Variants in COMMD1 observed in about 807,000 individuals in gnomAD.
COMMD1 encodes copper metabolism domain containing 1.
A neutral mutation model predicts 17.2 loss-of-function variants in COMMD1; 10 were observed. The ratio of observed to expected loss-of-function variants is 0.58; its 90% CI spans 0.36 to 0.99. The LOEUF is 0.99. Among genes scored for constraint, COMMD1 ranks in the 50% least tolerant of loss-of-function variants. The pLI is 0.01. For missense variants in COMMD1, 270 were observed against 231.8 expected (o/e 1.17, Z -1.07); for synonymous variants, 97 against 91.6 (o/e 1.06, Z -0.34).
At chr2:62,076,635 T>C (rs2103970316) in intron 2 of COMMD1, among the ~76,000 whole-genome samples, 1 of 152,196 alleles carries the variant, frequency 6.6e-6, no homozygotes, top group East Asian at 1.9e-4. Flanking sequence ...TAATCCTAGC[T>C]ACTCAGGAGG....
intron 2 of COMMD1, among the ~76,000 whole-genome samples, chr2:62,080,597 A>G (rs1168729471): frequency 6.6e-6 from 1 of 152,146 alleles, no homozygotes; most frequent in African/African-American, 2.4e-5. Flanking sequence ...TCTCAAGTAA[A>G]TTTTATTTGT....
intron 1 of COMMD1, among the ~76,000 whole-genome samples, chr2:61,899,386 A>AT (rs1669613313): frequency 6.6e-6 from 1 of 152,134 alleles, no homozygotes; most frequent in Non-Finnish European, 1.5e-5. Flanking sequence ...CTTTTCTGCC[A>AT]TTGCCTGTCT....
chr2:62,069,467 G>A (rs1221883482), intron 2 of COMMD1: 6 of 152,158 alleles, frequency 3.9e-5, no homozygotes, highest in Non-Finnish European at 8.8e-5. Context: ...TTAGGGCCAG[G>A]CACTTTATTT....
At chr2:61,950,327 G>T (rs1209318779) in intron 1 of COMMD1, among the ~76,000 whole-genome samples, 2 of 152,194 alleles carry the variant, frequency 1.3e-5, no homozygotes, top group Non-Finnish European at 2.9e-5. Flanking sequence ...TCCAACCTGG[G>T]TTTAGTTGTT....
chr2:61,983,793 G>C (rs1013699989), intron 1 of COMMD1, among the ~76,000 whole-genome samples: 2 of 151,820 alleles, frequency 1.3e-5, no homozygotes, highest in Admixed American at 1.3e-4. Context: ...ACTGCATTTT[G>C]TTGATCTTTG....
chr2:62,032,058 CTAGT>C (rs932559176), intron 2 of COMMD1, among the ~76,000 whole-genome samples: 8 of 152,048 alleles, frequency 5.3e-5, no homozygotes, highest in African/African-American at 1.4e-4. Context: ...TATTATTTCC[CTAGT>C]TAAATTTTTG....
chr2:61,960,547 C>T lies in COMMD1; in HGVS notation c.181-40154C>T, dbSNP rs377535734. ...ATGTCAGAATTTTTAGCTAATTCAT[C>T]TGATAGGGCAGTAAGTCCTTGTAGA... On this transcript the variant is annotated intron_variant, in intron 1 of 2. Coordinates refer to ENST00000311832, the MANE Select transcript of COMMD1 (RefSeq NM_152516.4). Among the ~76,000 whole-genome samples the T allele has an allele frequency of 4.6e-5, 7 of 152,284 alleles. No homozygotes were observed. In the South Asian group the frequency reaches 1.5e-3, roughly 32 times the overall value.
chr2:62,025,939 C>T (rs147254407), intron 2 of COMMD1, among the ~76,000 whole-genome samples: 2 of 152,150 alleles, frequency 1.3e-5, no homozygotes. Context: ...AGTGATCTGC[C>T]TGCCTTGGCC....
chr2:62,101,418 G>A (rs954753862), intron 2 of COMMD1, among the ~76,000 whole-genome samples: 2 of 152,128 alleles, frequency 1.3e-5, no homozygotes, highest in Non-Finnish European at 2.9e-5. Context: ...AGACCAGCCT[G>A]GGCAACATAG....
chr2:61,967,926 C>A (rs1010062119), intron 1 of COMMD1, among the ~76,000 whole-genome samples: 2 of 152,134 alleles, frequency 1.3e-5, no homozygotes, highest in African/African-American at 4.8e-5. Flanking sequence ...TTTGGAAGGC[C>A]AAGGCTGGCA....
intron 2 of COMMD1, among the ~76,000 whole-genome samples, chr2:62,056,170 G>A (rs925620355): frequency 6.6e-6 from 1 of 152,198 alleles, no homozygotes; most frequent in Non-Finnish European, 1.5e-5. Context: ...TCTATGTACT[G>A]TGTCATCCAT....
At chr2:62,121,558 T>A (rs565820446) in intron 2 of COMMD1, among the ~76,000 whole-genome samples, 1 of 151,134 alleles carries the variant, frequency 6.6e-6, no homozygotes, top group African/African-American at 2.4e-5. Context: ...GACAACATGG[T>A]GAAACCCCAT....
chr2:61,904,306 C>G (rs114477326), upstream of COMMD1, among the ~76,000 whole-genome samples: 1 of 152,156 alleles, frequency 6.6e-6, no homozygotes, highest in Non-Finnish European at 1.5e-5. Context: ...CCACCGTGCC[C>G]GGCAACACAA....
At chr2:61,950,070 C>G (rs1388711038) in intron 1 of COMMD1, among the ~76,000 whole-genome samples, 2 of 152,186 alleles carry the variant, frequency 1.3e-5, no homozygotes, top group Admixed American at 6.5e-5. Context: ...ACCCGAAGAA[C>G]TAGTTCCTAA....
At chr2:62,030,711 T>C (rs970777025) in intron 2 of COMMD1, among the ~76,000 whole-genome samples, 1 of 152,244 alleles carries the variant, frequency 6.6e-6, no homozygotes, top group African/African-American at 2.4e-5. Context: ...ATAGACTATA[T>C]ACTTAAAATA....
At chr2:61,941,920 C>T (rs1400569520) in intron 1 of COMMD1, among the ~76,000 whole-genome samples, 2 of 152,134 alleles carry the variant, frequency 1.3e-5, no homozygotes, top group African/African-American at 2.4e-5. Context: ...GTGCCCTTCC[C>T]CAACATTGAC....
intron 1 of COMMD1, among the ~76,000 whole-genome samples, chr2:61,930,007 G>T (rs1016395313): frequency 1.3e-5 from 2 of 151,964 alleles, no homozygotes; most frequent in East Asian, 3.9e-4. Flanking sequence ...ACCTAAGATG[G>T]GGGGAGGGAA....
At chr2:62,071,442 T>G (rs1020729551) in intron 2 of COMMD1, among the ~76,000 whole-genome samples, 35 of 152,170 alleles carry the variant, frequency 2.3e-4, no homozygotes, top group Admixed American at 5.2e-4. Context: ...ACTTTTTATT[T>G]CATCTCTATT....
chr2:62,035,570 C>G lies in COMMD1; in HGVS notation c.462+34588C>G, dbSNP rs1453686426. Reference sequence around the variant, plus strand: ...AGCCTGGCCAACATGGTGTAACACTCTCTACAAAAAATACAAAAATTAGCT... The same window carrying G: ...AGCCTGGCCAACATGGTGTAACACTGTCTACAAAAAATACAAAAATTAGCT... On this transcript the variant is annotated intron_variant, in intron 2 of 2. Transcript: ENST00000311832. 2.0e-5 allele frequency among the ~76,000 whole-genome samples: 3 copies of G among 151,016 alleles called. No homozygotes were observed. The East Asian group carries it at 5.9e-4, about 30-fold the overall frequency.
Sources: gnomAD v4.1 joint callset for allele counts (sites outside exome capture counted in the v4.1 genomes callset) on GRCh38, gnomAD v4.1.1 for gene constraint, MANE v1.5 for transcripts, NCBI Gene and HGNC (gene_info 2026-07-23, HGNC 2026-07-21) for gene names.